Variants in DAAM2 observed in about 807,000 individuals in gnomAD.
The protein encoded by DAAM2 is disheveled-associated activator of morphogenesis 2.
In DAAM2, 39 loss-of-function variants were observed where a neutral mutation model predicts 120.7. The observed-to-expected ratio is 0.32, with a 90% confidence interval of 0.25 to 0.42. The LOEUF (loss-of-function observed/expected upper bound fraction) is 0.42, where lower values mean the gene tolerates loss of function less well. Among genes scored for constraint, DAAM2 ranks in the 10% least tolerant of loss-of-function variants. The probability of loss-of-function intolerance (pLI) is 1.00; values close to 1 mark genes in which losing one functional copy is unlikely to be tolerated. For missense variants in DAAM2, 1,283 were observed against 1,401.7 expected (o/e 0.92, Z 1.35); for synonymous variants, 488 against 524.9 (o/e 0.93, Z 0.96).
intron 1 of DAAM2, among the ~76,000 whole-genome samples, chr6:39,813,976 T>C (rs1339171886): frequency 6.6e-6 from 1 of 152,076 alleles, no homozygotes; most frequent in East Asian, 1.9e-4. Flanking sequence ...GAGAGGAAAC[T>C]GAGAACTGGG....
chr6:39,900,323 G>C, intron 23 of DAAM2, 115 bp downstream of exon 23: 1 of 1,257,200 alleles, frequency 8.0e-7, no homozygotes, highest in South Asian at 1.5e-5. Flanking sequence ...ACAGAGCTTT[G>C]AGAGAAAACC....
In DAAM2 at chr6:39,871,490, T is replaced by C. The variant is rs568595429; in HGVS notation, c.978-16T>C. 5.1e-5 allele frequency: 79 copies of C among 1,550,496 alleles called. No individual in the cohort carries two copies. The South Asian group carries it at 8.3e-4, about 16-fold the overall frequency. ...GGCTGTAATGTCTACTCTCTCTGTC[T>C]CCCCATTCTGTCTAGACATTTAGAC... On this transcript the variant is annotated splice_polypyrimidine_tract_variant and intron_variant, in intron 8 of 24. Coordinates refer to ENST00000274867, the MANE Select transcript of DAAM2 (RefSeq NM_001201427.2).
intron 2 of DAAM2, among the ~76,000 whole-genome samples, chr6:39,858,248 T>A (rs1038759743): frequency 1.1e-4 from 17 of 152,304 alleles, no homozygotes; most frequent in African/African-American, 3.8e-4. Flanking sequence ...TTTGAGGTGA[T>A]CTGATCTGCT....
Position 39,868,945 on chromosome 6 carries a change from TCTC to T in DAAM2, c.873+15_873+17del, listed in dbSNP as rs769858188. 2.6e-6 allele frequency: 4 copies of T among 1,545,298 alleles called. No individual in the cohort carries two copies. In the Admixed American group the frequency reaches 5.7e-5, roughly 22 times the overall value. On this transcript the variant is annotated intron_variant, in intron 7 of 24. Transcript: ENST00000274867. ...CTGGAGCTGGAGAGGTGGGGTGCCTTCTCCTTGCCCTTGCTGTTCCCTGACTTT... is the reference window on the plus strand; with the variant it reads ...CTGGAGCTGGAGAGGTGGGGTGCCTTCTTGCCCTTGCTGTTCCCTGACTTT...
At chr6:39,900,050 A>G in intron 22 of DAAM2, 27 bp from the exon 23 acceptor site, 1 of 1,594,878 alleles carries the variant, frequency 6.3e-7, no homozygotes, top group Non-Finnish European at 8.5e-7. Context: ...GCACCAGTCT[A>G]AGCAGCACTT....
intron 22 of DAAM2, 83 bp downstream of exon 22, chr6:39,899,020 G>T: frequency 1.0e-6 from 1 of 963,332 alleles, no homozygotes; most frequent in Non-Finnish European, 1.5e-6. Context: ...CTCCTACACA[G>T]GGGCAAAAAA....
At chr6:39,830,149 G>C (rs1317726720) in intron 1 of DAAM2, among the ~76,000 whole-genome samples, 1 of 152,230 alleles carries the variant, frequency 6.6e-6, no homozygotes, top group East Asian at 1.9e-4. Context: ...GGCCCAGAGT[G>C]GGGGTTCATA....
At chr6:39,875,282 AG>A in intron 10 of DAAM2, 47 bp from the exon 11 acceptor site, 1 of 1,590,584 alleles carries the variant, frequency 6.3e-7, no homozygotes, top group Non-Finnish European at 8.6e-7. Flanking sequence ...GTGGGGCCCA[AG>A]GGGGACTTCA....
At chr6:39,891,104 AAG>A (rs1317990353) in intron 17 of DAAM2, among the ~76,000 whole-genome samples, 1 of 151,412 alleles carries the variant, frequency 6.6e-6, no homozygotes, top group African/African-American at 2.4e-5. Context: ...AAAAAAAAAA[AAG>A]AAAGAAATAC....
At chr6:39,810,474 G>A (rs548609089) in intron 1 of DAAM2, among the ~76,000 whole-genome samples, 13 of 152,310 alleles carry the variant, frequency 8.5e-5, no homozygotes, top group African/African-American at 3.1e-4. Context: ...CAGACCCCTG[G>A]TTGCTGTGGG....
chr6:39,820,315 T>A (rs1011752739), intron 1 of DAAM2: 1 of 152,190 alleles, frequency 6.6e-6, no homozygotes, highest in Admixed American at 6.5e-5. Flanking sequence ...AGTTACCAGG[T>A]TTTAAAAAAC....
intron 1 of DAAM2, chr6:39,820,118 G>T (rs1420819063): frequency 4.2e-5 from 6 of 142,746 alleles, no homozygotes; most frequent in Non-Finnish European, 7.5e-5. Context: ...CAGGTGGAGG[G>T]AATGGGCATC....
intron 14 of DAAM2, among the ~76,000 whole-genome samples, chr6:39,881,294 G>A (rs1765104708): frequency 6.6e-6 from 1 of 152,190 alleles, no homozygotes; most frequent in Non-Finnish European, 1.5e-5. Context: ...AGAGCAAGGT[G>A]AACGGTCTTT....
intron 7 of DAAM2, among the ~76,000 whole-genome samples, 198 bp from the exon 8 acceptor site, chr6:39,870,142 T>C (rs1764598323): frequency 6.6e-6 from 1 of 152,132 alleles, no homozygotes; most frequent in Non-Finnish European, 1.5e-5. Context: ...TAAAAGAAGC[T>C]GGGCAGTGGG....
chr6:39,864,292 G>C, intron 3 of DAAM2, 141 bp from the exon 4 acceptor site: 1 of 622,520 alleles, frequency 1.6e-6, no homozygotes, highest in East Asian at 2.8e-5. Context: ...AAGCCTGGGG[G>C]AGAGTGTAAT....
chr6:39,904,470 C>T lies in DAAM2; in HGVS notation c.*2433C>T, dbSNP rs1184256151. 2.2e-6 allele frequency: 1 copy of T among 454,564 alleles called. No homozygotes were observed. The highest frequency in any genetic ancestry group is 4.4e-6 in the Non-Finnish European group (1 of 226,964). 28.2% of individuals were successfully genotyped at this position (454,564 alleles called of 1,614,324 possible). A position where few individuals can be genotyped will look rare whatever the true frequency, so the allele number is the denominator to read the frequency against. ...TGCTTTCTTCATGCCCTCCCCACTG[C>T]TCCTGCCACCTTTAGATAAGTTTCT... is the stretch of plus-strand genomic sequence containing the variant. On this transcript the variant is annotated 3_prime_UTR_variant, in exon 25 of 25. Transcript: ENST00000274867.
At chr6:39,809,266 G>C (rs966651565) in intron 1 of DAAM2, among the ~76,000 whole-genome samples, 1 of 152,146 alleles carries the variant, frequency 6.6e-6, no homozygotes, top group African/African-American at 2.4e-5. Context: ...AACGTAATGG[G>C]GGAGTGGGCA....
intron 14 of DAAM2, 197 bp downstream of exon 14, chr6:39,879,674 T>C: frequency 1.5e-6 from 1 of 677,182 alleles, no homozygotes. Context: ...CTGGGAGAGA[T>C]GCTTGACATT....
intron 1 of DAAM2, among the ~76,000 whole-genome samples, chr6:39,852,125 C>T (rs11753334): frequency 0.074 from 11,202 of 152,156 alleles, 710 homozygotes; most frequent in African/African-American, 0.17. Flanking sequence ...GAGCTGCTGG[C>T]GCTGGGGAAG....
Sources: allele counts gnomAD v4.1 joint callset (sites outside exome capture counted in the v4.1 genomes callset), GRCh38; gene constraint gnomAD v4.1.1; transcripts MANE v1.5; gene names NCBI Gene and HGNC (gene_info 2026-07-23, HGNC 2026-07-21).